SIPA1L1: variants seen among roughly 807,000 people sequenced by gnomAD.
SIPA1L1 encodes signal induced proliferation associated 1 like 1, also known as signal-induced proliferation-associated 1-like protein 1.
Under a neutral mutation model 162.7 loss-of-function variants are expected in SIPA1L1, and 26 were observed. The observed-to-expected ratio is 0.16, with a 90% CI of 0.12 to 0.22. SIPA1L1 has a LOEUF of 0.22. Among genes scored for constraint, SIPA1L1 ranks in the 10% least tolerant of loss-of-function variants. SIPA1L1 has a pLI of 1.00. For missense variants in SIPA1L1, 1,874 were observed against 2,241.0 expected, an observed-to-expected ratio of 0.84 and a Z score of 3.31; for synonymous variants, 829 against 837.4, an observed-to-expected ratio of 0.99 and a Z score of 0.17.
chr14:71,458,286 ACT>A (rs1452804918), intron 2 of SIPA1L1, among the ~76,000 whole-genome samples: 3 of 152,092 alleles, frequency 2.0e-5, no homozygotes, highest in Non-Finnish European at 2.9e-5. Flanking sequence ...GGATTTTGGC[ACT>A]CTGAGATTTT....
intron 4 of SIPA1L1, among the ~76,000 whole-genome samples, chr14:71,554,504 T>A (rs931002216): frequency 1.3e-5 from 2 of 152,230 alleles, no homozygotes; most frequent in Non-Finnish European, 2.9e-5. Context: ...CTGTCAGTTC[T>A]GCCCCACTGT....
rs375871090 is a variant in SIPA1L1, at chr14:71,322,028, A to G, written c.-465+847A>G. Among the ~76,000 whole-genome samples the G allele has an allele frequency of 3.8e-4, 58 of 152,332 alleles. No homozygotes were observed. The South Asian group carries it at 0.012, about 32-fold the overall frequency. On this transcript the variant is annotated intron_variant, in intron 2 of 23. Coordinates refer to ENST00000381232, the MANE Select transcript of SIPA1L1 (RefSeq NM_001386936.1). The stretch of plus-strand genomic sequence containing the variant: ...TTATTTTTCCTGACGGGTAGTTTAG[A>G]GGCAGCATTCGCTGAAATGCATACT...
intron 2 of SIPA1L1, chr14:71,416,320 C>G (rs1163226499): frequency 6.6e-6 from 1 of 151,976 alleles, no homozygotes. Flanking sequence ...TCTCATGACT[C>G]AAGACAGAGC....
rs2085035325 is a variant in SIPA1L1 at position 71,733,871 on chromosome 14, C to G, written c.5008+59C>G. 3.2e-6 allele frequency: 5 copies of G among 1,549,524 alleles called. No individual in the cohort carries two copies. In the Admixed American group the frequency reaches 9.0e-5, roughly 28 times the overall value. On this transcript the variant is annotated intron_variant, in intron 21 of 23. Transcript: ENST00000381232. ...GATCCTGCAGCGGAGTGAGCAGTCT[C>G]CATCCACTCTACTTCTCTGGACACA...
At position 71,589,017 on chromosome 14, in the gene SIPA1L1, T is replaced by G; in HGVS notation, c.1145T>G (p.Phe382Cys). The change falls in exon 5 of 24, where the codon TTT becomes TGT. Residue 382 changes from phenylalanine (F) to cysteine (C), a missense_variant. Phe to Cys is a radical substitution (Grantham distance 205). This residue lies in a region of SIPA1L1 where 685 missense variants were observed against 828.0 expected (regional missense o/e 0.83). Transcript: ENST00000381232. Reference sequence around the variant, plus strand: ...GGACCTCTGTCTCATTCAGCCAGTTTTAGCTCCCCAATGGGCAGCACAGAG... The same window carrying G: ...GGACCTCTGTCTCATTCAGCCAGTTGTAGCTCCCCAATGGGCAGCACAGAG... ...VSGPLSHSAS[F>C]SSPMGSTEDL... The G allele has an allele frequency of 1.2e-6, 2 of 1,614,084 alleles. No homozygotes were observed. Among genetic ancestry groups the G allele is most frequent in the Non-Finnish European group, 8.5e-7 (1 of 1,179,976 alleles).
chr14:71,696,520 C>G (rs1404961012), intron 13 of SIPA1L1, among the ~76,000 whole-genome samples: 1 of 152,166 alleles, frequency 6.6e-6, no homozygotes, highest in African/African-American at 2.4e-5. Context: ...TTTGGCACTT[C>G]ATTATTAGTG....
At chr14:71,526,072 C>T (rs2052841937) in intron 3 of SIPA1L1, among the ~76,000 whole-genome samples, 1 of 152,184 alleles carries the variant, frequency 6.6e-6, no homozygotes, top group Non-Finnish European at 1.5e-5. Context: ...CAGGAACTTG[C>T]TTTGTGAGGG....
At chr14:71,465,207 T>C (rs1470005733) in intron 2 of SIPA1L1, among the ~76,000 whole-genome samples, 5 of 152,238 alleles carry the variant, frequency 3.3e-5, no homozygotes, top group African/African-American at 7.2e-5. Context: ...GGTAGACACC[T>C]GATGAGGATG....
chr14:71,543,040 C>T (rs1308776017), intron 4 of SIPA1L1, among the ~76,000 whole-genome samples: 1 of 151,996 alleles, frequency 6.6e-6, no homozygotes, highest in Non-Finnish European at 1.5e-5. Context: ...ACTTACTCCT[C>T]CTTCCTCATC....
intron 2 of SIPA1L1, among the ~76,000 whole-genome samples, chr14:71,442,930 T>G (rs992642963): frequency 6.6e-6 from 1 of 152,168 alleles, no homozygotes; most frequent in Non-Finnish European, 1.5e-5. Flanking sequence ...AACAAGACTG[T>G]GTCTCTTAAA....
At chr14:71,459,045 C>T (rs2046388982) in intron 2 of SIPA1L1, among the ~76,000 whole-genome samples, 1 of 151,092 alleles carries the variant, frequency 6.6e-6, no homozygotes, top group Admixed American at 6.6e-5. Flanking sequence ...GCATTCCAGC[C>T]TGGGCAACAG....
At chr14:71,506,270 T>A (rs966409744) in intron 2 of SIPA1L1, among the ~76,000 whole-genome samples, 1 of 152,234 alleles carries the variant, frequency 6.6e-6, no homozygotes, top group Non-Finnish European at 1.5e-5. Flanking sequence ...CTATAACCTT[T>A]TGCTTCTGTT....
At chr14:71,713,593 C>A (rs1489577199) in intron 17 of SIPA1L1, among the ~76,000 whole-genome samples, 2 of 152,186 alleles carry the variant, frequency 1.3e-5, no homozygotes, top group Non-Finnish European at 2.9e-5. Flanking sequence ...AGCTCAATTT[C>A]ATGAATGTGC....
intron 4 of SIPA1L1, among the ~76,000 whole-genome samples, chr14:71,585,342 A>G (rs549321469): frequency 6.6e-6 from 1 of 152,324 alleles, no homozygotes; most frequent in South Asian, 2.1e-4. Flanking sequence ...AAAAGAAAAC[A>G]TTGAGTCGTT....
intron 4 of SIPA1L1, among the ~76,000 whole-genome samples, chr14:71,540,242 T>C (rs117004452): frequency 0.032 from 4,905 of 152,330 alleles, 113 homozygotes; most frequent in Middle Eastern, 0.15. Context: ...GGGCTGATCC[T>C]GCCTCTGTTG....
At chr14:71,337,164 C>G (rs1323322956) in intron 2 of SIPA1L1, among the ~76,000 whole-genome samples, 3 of 152,200 alleles carry the variant, frequency 2.0e-5, no homozygotes, top group Non-Finnish European at 4.4e-5. Context: ...TTTGGTCTCT[C>G]CATTTTTGGC....
At chr14:71,490,585 C>G (rs2049163353) in intron 2 of SIPA1L1, among the ~76,000 whole-genome samples, 1 of 152,008 alleles carries the variant, frequency 6.6e-6, no homozygotes, top group Non-Finnish European at 1.5e-5. Flanking sequence ...GATGTGTTTC[C>G]AACAGAGGAC....
At chr14:71,371,862 A>G (rs2038921629) in intron 2 of SIPA1L1, among the ~76,000 whole-genome samples, 1 of 152,184 alleles carries the variant, frequency 6.6e-6, no homozygotes, top group South Asian at 2.1e-4. Context: ...CTTGTGTCAC[A>G]TTTCACTTGA....
chr14:71,689,632 A>G (rs1331316860), intron 13 of SIPA1L1, among the ~76,000 whole-genome samples: 2 of 152,240 alleles, frequency 1.3e-5, no homozygotes, highest in Non-Finnish European at 1.5e-5. Context: ...CTTAGCATGT[A>G]AAATGATTTT....
Sources: gnomAD v4.1 joint callset for allele counts (sites outside exome capture counted in the v4.1 genomes callset) on GRCh38, gnomAD v4.1.1 for gene constraint, gnomAD v4.1.1 regional missense constraint, MANE v1.5 for transcripts, NCBI Gene and HGNC (gene_info 2026-07-23, HGNC 2026-07-21) for gene names.